The following APBA2 variants were observed in gnomAD, a reference collection of about 807,000 sequenced individuals.
APBA2 encodes amyloid beta precursor protein binding family A member 2, also known as amyloid-beta A4 precursor protein-binding family A member 2.
Under a neutral mutation model 75.0 loss-of-function variants are expected in APBA2, and 30 were observed. The observed-to-expected ratio is 0.40, with a 90% CI of 0.30 to 0.54. APBA2 has a LOEUF of 0.54. Ranked by LOEUF, APBA2 falls within the 20% of genes least tolerant of loss-of-function variation. APBA2 has a pLI of 0.49. For synonymous variants in APBA2, 444 were observed against 409.6 expected (o/e 1.08, Z -1.01); for missense variants, 801 against 1,016.1 (o/e 0.79, Z 2.88).
intron 3 of APBA2, among the ~76,000 whole-genome samples, chr15:29,031,129 C>A (rs544745457): frequency 6.6e-6 from 1 of 151,998 alleles, no homozygotes; most frequent in African/African-American, 2.4e-5. Context: ...TTATTTTTAG[C>A]AGTCTTCGTG....
chr15:29,069,915 A>T (rs1473518768), intron 4 of APBA2, among the ~76,000 whole-genome samples: 1 of 152,224 alleles, frequency 6.6e-6, no homozygotes, highest in Non-Finnish European at 1.5e-5. Flanking sequence ...TGCCCTTTAC[A>T]GGGCTCTGTG....
intron 2 of APBA2, among the ~76,000 whole-genome samples, chr15:28,953,834 G>A: frequency 6.6e-6 from 1 of 152,174 alleles, no homozygotes; most frequent in Non-Finnish European, 1.5e-5. Context: ...CCTCTTCTCC[G>A]CTCGGTCCAC....
At position 29,117,192 on chromosome 15, in the gene APBA2, A is replaced by T. The variant is rs1025415158; in HGVS notation, c.*59A>T. On this transcript the variant is annotated 3_prime_UTR_variant, in exon 15 of 15. Transcript: ENST00000683413. ...GGGCAGGGCCGCCCGGGCCCAGAGG[A>T]GCTGGGAGCCGGGCCGCAGACTTGA... The T allele has an allele frequency of 6.5e-7, 1 of 1,546,688 alleles. No individual in the cohort carries two copies. Among genetic ancestry groups the T allele is most frequent in the African/African-American group, 1.4e-5 (1 of 73,554 alleles).
intron 2 of APBA2, among the ~76,000 whole-genome samples, chr15:28,972,211 G>T (rs1350689542): frequency 6.6e-6 from 1 of 152,180 alleles, no homozygotes; most frequent in African/African-American, 2.4e-5. Flanking sequence ...AAACCAAAGT[G>T]TCTGTTGGAA....
At chr15:29,038,604 G>T (rs1461664849) in intron 3 of APBA2, among the ~76,000 whole-genome samples, 1 of 151,856 alleles carries the variant, frequency 6.6e-6, no homozygotes, top group East Asian at 1.9e-4. Context: ...ACTCTGTCTG[G>T]AGTAGGGGCC....
At chr15:29,034,306 G>A (rs1417958998) in intron 3 of APBA2, among the ~76,000 whole-genome samples, 4 of 152,102 alleles carry the variant, frequency 2.6e-5, no homozygotes, top group African/African-American at 9.7e-5. Flanking sequence ...GTAGCTAGTT[G>A]GCCTCTCTGG....
intron 2 of APBA2, among the ~76,000 whole-genome samples, chr15:28,962,075 T>G (rs1032927085): frequency 2.6e-5 from 4 of 152,116 alleles, no homozygotes; most frequent in East Asian, 1.9e-4. Flanking sequence ...TAAAATTTAT[T>G]TTAATCTATC....
At chr15:28,903,676 C>T (rs544768847) in intron 1 of APBA2, among the ~76,000 whole-genome samples, 60 of 152,154 alleles carry the variant, frequency 3.9e-4, no homozygotes, top group Non-Finnish European at 8.1e-4. Context: ...TCCTGGGACC[C>T]CACTGCCTCC....
At chr15:29,094,115 G>T (rs2043724320) in intron 7 of APBA2, among the ~76,000 whole-genome samples, 163 bp from the exon 8 acceptor site, 1 of 152,256 alleles carries the variant, frequency 6.6e-6, no homozygotes, top group Non-Finnish European at 1.5e-5. Flanking sequence ...CTCTTGGTCA[G>T]TGTGTGTGCT....
intron 3 of APBA2, among the ~76,000 whole-genome samples, chr15:29,027,106 T>C: frequency 6.6e-6 from 1 of 152,254 alleles, no homozygotes; most frequent in East Asian, 1.9e-4. Flanking sequence ...GTGAACCTAT[T>C]TGTTAAAGTT....
chr15:29,113,185 T>C (rs949367255), intron 13 of APBA2, among the ~76,000 whole-genome samples: 1 of 152,078 alleles, frequency 6.6e-6, no homozygotes, highest in Non-Finnish European at 1.5e-5. Flanking sequence ...TCCAGTCTCG[T>C]GGTCACAGGC....
intron 2 of APBA2, among the ~76,000 whole-genome samples, chr15:28,987,843 G>A (rs185772658): frequency 1.6e-4 from 23 of 145,620 alleles, no homozygotes; most frequent in Non-Finnish European, 2.4e-4. Context: ...CGCAACCTCC[G>A]CCTGCCAGGT....
At chr15:29,075,089 C>A in intron 5 of APBA2, 88 bp downstream of exon 5, 2 of 998,920 alleles carry the variant, frequency 2.0e-6, no homozygotes, top group Non-Finnish European at 3.1e-6. Context: ...CTCACTTTGT[C>A]CATGATGTTC....
At position 29,101,619 on chromosome 15, in the gene APBA2, C is replaced by T; in HGVS notation, c.1359C>T (p.Ala453=). The T allele has an allele frequency of 6.2e-7, 1 of 1,613,582 alleles. No individual in the cohort carries two copies. The highest frequency in any genetic ancestry group is 8.5e-7 in the Non-Finnish European group (1 of 1,179,954). ...GACAGGAAACCATGATGGACCACGC[C>T]TTGCGTACCATCTCCTACATCGCCG... is the stretch of plus-strand genomic sequence containing the variant. ...ADTQETMMDH[A]LRTISYIADI... The change falls in exon 10 of 15, where the codon GCC becomes GCT. Residue 453 remains alanine (A), a synonymous_variant. Transcript: ENST00000683413.
rs905220001 is a variant in APBA2 at position 28,946,204 on chromosome 15, C to T, written c.-95+24455C>T. Among the ~76,000 whole-genome samples the T allele has an allele frequency of 7.2e-5, 11 of 152,304 alleles. No homozygotes were observed. In the East Asian group the frequency reaches 1.2e-3, roughly 16 times the overall value. ...AGAGATATCCACACCCTAGCTGTGG[C>T]GCCTGTAAATCTGTTACTTTATGTG... is the stretch of plus-strand genomic sequence containing the variant. On this transcript the variant is annotated intron_variant, in intron 2 of 14. Transcript: ENST00000683413.
At chr15:29,074,884 C>G in intron 4 of APBA2, 37 bp from the exon 5 acceptor site, 2 of 1,598,998 alleles carry the variant, frequency 1.3e-6, no homozygotes, top group Non-Finnish European at 1.7e-6. Flanking sequence ...ATTTCTCTAA[C>G]ATATAAAATC....
chr15:29,039,808 G>T (rs59183180), intron 3 of APBA2, among the ~76,000 whole-genome samples: 27,718 of 152,172 alleles, frequency 0.18, 3,038 homozygotes, highest in East Asian at 0.45. Context: ...GATGACATCA[G>T]TGCTGTCCAG....
chr15:28,967,436 T>TTTTA (rs1235642918), intron 2 of APBA2, among the ~76,000 whole-genome samples: 1 of 152,190 alleles, frequency 6.6e-6, no homozygotes, highest in Non-Finnish European at 1.5e-5. Flanking sequence ...ATCCCTTTAT[T>TTTTA]TTTATTTATT....
chr15:28,969,131 T>C (rs1229003014), intron 2 of APBA2, among the ~76,000 whole-genome samples: 4 of 45,730 alleles, frequency 8.7e-5, no homozygotes, highest in African/African-American at 7.8e-4. Context: ...CATTTCTTTT[T>C]CTTTCTTTCT....
Sources: allele counts gnomAD v4.1 joint callset (sites outside exome capture counted in the v4.1 genomes callset), GRCh38; gene constraint gnomAD v4.1.1; transcripts MANE v1.5; gene names NCBI Gene and HGNC (gene_info 2026-07-23, HGNC 2026-07-21).